Variants in SRPK2 observed in about 807,000 individuals in gnomAD.
SRPK2 encodes SRSF protein kinase 2, also known as SFRS protein kinase 2.
Under a neutral mutation model 90.8 loss-of-function variants are expected in SRPK2, and 21 were observed. The ratio of observed to expected loss-of-function variants is 0.23; its 90% CI spans 0.16 to 0.33. The LOEUF (loss-of-function observed/expected upper bound fraction) is 0.33. Ranked by LOEUF, SRPK2 falls within the 10% of genes least tolerant of loss-of-function variation. The pLI, the probability that SRPK2 is intolerant of heterozygous loss-of-function variation, is 1.00. For synonymous variants in SRPK2, 288 were observed against 311.1 expected, an observed-to-expected ratio of 0.93 and a Z score of 0.78; for missense variants, 620 against 869.0, an observed-to-expected ratio of 0.71 and a Z score of 3.60.
chr7:105,181,891 A>AG (rs1337503148), intron 3 of SRPK2, among the ~76,000 whole-genome samples: 6 of 147,394 alleles, frequency 4.1e-5, no homozygotes, highest in African/African-American at 2.5e-5. Context: ...TAAAAAAAAA[A>AG]AAAAACAGAA....
At chr7:105,248,634 T>A (rs1802047951) in intron 2 of SRPK2, among the ~76,000 whole-genome samples, 1 of 151,374 alleles carries the variant, frequency 6.6e-6, no homozygotes, top group Non-Finnish European at 1.5e-5. Flanking sequence ...ACAAAAAAGA[T>A]TTGAAACTAA....
chr7:105,165,932 C>A (rs1452072397), intron 6 of SRPK2, among the ~76,000 whole-genome samples: 1 of 152,158 alleles, frequency 6.6e-6, no homozygotes, highest in Non-Finnish European at 1.5e-5. Flanking sequence ...GACCACGAAC[C>A]CACCGGGAGG....
upstream of SRPK2, among the ~76,000 whole-genome samples, chr7:105,393,791 T>C (rs760527594): frequency 2.2e-4 from 33 of 152,140 alleles, no homozygotes; most frequent in Non-Finnish European, 4.1e-4. Context: ...GCGCCAGATG[T>C]GGTGGCTCTC....
chr7:105,258,670 A>G (rs1803733287), intron 2 of SRPK2, among the ~76,000 whole-genome samples: 1 of 152,210 alleles, frequency 6.6e-6, no homozygotes, highest in Non-Finnish European at 1.5e-5. Context: ...GCAGCACATC[A>G]AAAAGCTTAT....
intron 2 of SRPK2, among the ~76,000 whole-genome samples, chr7:105,253,410 C>A (rs1802763097): frequency 6.6e-6 from 1 of 152,174 alleles, no homozygotes; most frequent in African/African-American, 2.4e-5. Context: ...CTACAAACAT[C>A]CTTGCTAAAA....
intron 2 of SRPK2, among the ~76,000 whole-genome samples, chr7:105,291,044 CA>C (rs10684672): frequency 0.26 from 21,794 of 82,812 alleles, 1,045 homozygotes; most frequent in Middle Eastern, 0.38. Context: ...GACTCCGTCT[CA>C]AAAAAAAAAA....
At chr7:105,279,956 T>C (rs959386485) in intron 2 of SRPK2, among the ~76,000 whole-genome samples, 1 of 152,232 alleles carries the variant, frequency 6.6e-6, no homozygotes, top group Admixed American at 6.5e-5. Context: ...TCTTAATATA[T>C]GAATATCATT....
At chr7:105,179,581 T>C (rs1389300609) in intron 3 of SRPK2, among the ~76,000 whole-genome samples, 1 of 152,076 alleles carries the variant, frequency 6.6e-6, no homozygotes, top group African/African-American at 2.4e-5. Flanking sequence ...TCCGAGCACT[T>C]TGGGAGGCTG....
chr7:105,267,161 T>C (rs1377810114), intron 2 of SRPK2, among the ~76,000 whole-genome samples: 3 of 152,168 alleles, frequency 2.0e-5, no homozygotes, highest in Non-Finnish European at 4.4e-5. Flanking sequence ...TGTAGGTAAG[T>C]AAATAAATAA....
chr7:105,253,780 A>C (rs1379796030), intron 2 of SRPK2, among the ~76,000 whole-genome samples: 4 of 152,242 alleles, frequency 2.6e-5, no homozygotes, highest in Admixed American at 6.5e-5. Context: ...TTAAGTAGTA[A>C]TTTTATTGTA....
At chr7:105,242,811 G>A (rs2299323) in intron 2 of SRPK2, among the ~76,000 whole-genome samples, 2 of 152,104 alleles carry the variant, frequency 1.3e-5, no homozygotes, top group Non-Finnish European at 2.9e-5. Context: ...GAGGCAAGCC[G>A]GATCTCCAAT....
At chr7:105,376,894 C>CAT (rs1478273159) in intron 2 of SRPK2, among the ~76,000 whole-genome samples, 17 of 139,504 alleles carry the variant, frequency 1.2e-4, no homozygotes, top group African/African-American at 3.2e-4. Flanking sequence ...CACACACACA[C>CAT]ACACACACAC....
chr7:105,341,132 A>C (rs562492993), intron 2 of SRPK2, among the ~76,000 whole-genome samples: 20 of 152,030 alleles, frequency 1.3e-4, no homozygotes, highest in African/African-American at 4.6e-4. Context: ...TTGGGAGGCC[A>C]AGGCAGGCAG....
chr7:105,294,381 C>T (rs1809497771), intron 2 of SRPK2, among the ~76,000 whole-genome samples: 1 of 152,164 alleles, frequency 6.6e-6, no homozygotes, highest in African/African-American at 2.4e-5. Context: ...GTTCCCTAAA[C>T]CGTCTCTTCA....
chr7:105,313,446 CAAA>C (rs546210374), intron 2 of SRPK2, among the ~76,000 whole-genome samples: 3 of 64,546 alleles, frequency 4.6e-5, no homozygotes, highest in Non-Finnish European at 3.3e-5. Context: ...GACTCCATCT[CAAA>C]AAAAAAAAAA....
chr7:105,314,821 T>C (rs749635324), intron 2 of SRPK2, among the ~76,000 whole-genome samples: 47 of 152,224 alleles, frequency 3.1e-4, no homozygotes, highest in Non-Finnish European at 6.0e-4. Flanking sequence ...TGTCGAATAA[T>C]GAGAAATTCA....
At chr7:105,383,006 C>T (rs1821120823) in intron 2 of SRPK2, among the ~76,000 whole-genome samples, 1 of 149,158 alleles carries the variant, frequency 6.7e-6, no homozygotes, top group Non-Finnish European at 1.5e-5. Context: ...GAACTCTGTA[C>T]CACTTTTGCA....
At chr7:105,305,545 AT>A (rs1273544293) in intron 2 of SRPK2, among the ~76,000 whole-genome samples, 5 of 152,198 alleles carry the variant, frequency 3.3e-5, no homozygotes, top group African/African-American at 1.2e-4. Context: ...AGATAAATCT[AT>A]GTTCGCTTCT....
At chr7:105,296,363 CTT>C (rs1234352375) in intron 2 of SRPK2, among the ~76,000 whole-genome samples, 1 of 152,088 alleles carries the variant, frequency 6.6e-6, no homozygotes, top group African/African-American at 2.4e-5. Context: ...AGCCTCCTAA[CTT>C]AGGAGATAAA....
Sources: allele counts gnomAD v4.1 joint callset (sites outside exome capture counted in the v4.1 genomes callset), GRCh38; gene constraint gnomAD v4.1.1; transcripts MANE v1.5; gene names NCBI Gene and HGNC (gene_info 2026-07-23, HGNC 2026-07-21).